PLXND1: variants seen among roughly 807,000 people sequenced by gnomAD.
PLXND1 encodes the protein plexin-D1.
PLXND1 carries 54 observed loss-of-function variants against 197.7 expected under a neutral mutation model. The observed-to-expected ratio is 0.27, with a 90% CI of 0.22 to 0.34. PLXND1 has a LOEUF of 0.34. Among genes scored for constraint, PLXND1 ranks in the 10% least tolerant of loss-of-function variants. The probability of loss-of-function intolerance (pLI) is 1.00; values close to 1 mark genes in which losing one functional copy is unlikely to be tolerated. For missense variants in PLXND1, 2,127 were observed against 2,699.2 expected, an observed-to-expected ratio of 0.79 and a Z score of 4.70; for synonymous variants, 1,180 against 1,161.2, an observed-to-expected ratio of 1.02 and a Z score of -0.33.
At chr3:129,599,176 A>G (rs1223528652) in intron 1 of PLXND1, among the ~76,000 whole-genome samples, 1 of 152,200 alleles carries the variant, frequency 6.6e-6, no homozygotes, top group Non-Finnish European at 1.5e-5. Flanking sequence ...CAACCAGGAC[A>G]TGGAACCCAG....
At chr3:129,573,867 C>G in intron 12 of PLXND1, 122 bp from the exon 13 acceptor site, 4 of 1,124,058 alleles carry the variant, frequency 3.6e-6, no homozygotes, top group Non-Finnish European at 5.0e-6. Context: ...AGAGGAAGGT[C>G]TGGAGGCTCA....
Position 129,557,103 on chromosome 3 carries a change from G to A in PLXND1, c.5566C>T (p.His1856Tyr), listed in dbSNP as rs1245924801. ...CGCACCCTCGACTCCTCGGCCAGAT[G>A]GGCATTCATCTCTTGCTCGCTGAGC... ...TPLSEQEMNAHLAEESRKYQN... is the reference protein window; with the variant it reads ...TPLSEQEMNAYLAEESRKYQN... Residue 1856 changes from histidine (H) to tyrosine (Y), a missense_variant, in exon 34 of 36, where the codon CAT becomes TAT. Physicochemically the swap from His to Tyr is moderately conservative, Grantham distance 83. Around this residue, in one of 6 missense-constraint regions of PLXND1, gnomAD observed 200 missense variants for 303.3 expected, o/e 0.66. Coordinates refer to ENST00000324093, the MANE Select transcript of PLXND1 (RefSeq NM_015103.3). The surrounding 1 kb of genome is among the most constrained non-coding windows in gnomAD (Gnocchi z 4.8). 6.2e-7 allele frequency: 1 copy of A among 1,614,010 alleles called. No individual in the cohort carries two copies. The highest frequency in any genetic ancestry group is 1.3e-5 in the African/African-American group (1 of 75,024).
Position 129,606,437 on chromosome 3 carries a change from G to A in PLXND1, c.203C>T (p.Ala68Val). The change falls in exon 1 of 36, where the codon GCG becomes GTG. Residue 68 changes from alanine to valine, a missense_variant. Physicochemically the swap from Ala to Val is moderately conservative, Grantham distance 64. Transcript: ENST00000324093. ...GACGGCCGCCAGGTACACGGTCCCC[G>A]CCGCGCCGTCCAGGGCGAAGTTGTT... ...PTNNFALDGA[A>V]GTVYLAAVNR... is the part of the protein sequence containing the mutation. 1.4e-6 allele frequency: 2 copies of A among 1,481,062 alleles called. No homozygotes were observed. The highest frequency in any genetic ancestry group is 8.9e-7 in the Non-Finnish European group (1 of 1,123,788). 91.7% of individuals were successfully genotyped at this position (1,481,062 alleles called of 1,614,324 possible).
At chr3:129,602,767 A>G (rs2626005) in intron 1 of PLXND1, among the ~76,000 whole-genome samples, 149,368 of 152,264 alleles carry the variant, frequency 0.98, 73,336 homozygotes, top group East Asian at 1. Flanking sequence ...AACAAGAAGA[A>G]CTGCCATCTG....
chr3:129,571,443 G>T, intron 17 of PLXND1, 66 bp downstream of exon 17: 1 of 1,540,832 alleles, frequency 6.5e-7, no homozygotes. Flanking sequence ...AGGAGGCCTG[G>T]TCAGTTAGGG....
At position 129,605,328 on chromosome 3, in the gene PLXND1, C is replaced by T. The variant is rs898462247; in HGVS notation, c.1311+1G>A. ...CCGCCGCCGCCACCGCCCGGGTGTA[C>T]CTGGATGTTGAGCTTGCGCTCACAG... On this transcript the variant is annotated splice_donor_variant, in intron 1 of 35. Transcript: ENST00000324093. LOFTEE classifies it high-confidence loss of function. The T allele has an allele frequency of 7.1e-7, 1 of 1,411,848 alleles. No individual in the cohort carries two copies. Among genetic ancestry groups the T allele is most frequent in the Non-Finnish European group, 9.2e-7 (1 of 1,085,436 alleles). The allele number at this position is 1,411,848 out of a possible 1,614,324, so 87.5% of individuals were successfully genotyped here.
chr3:129,578,676 A>G, intron 8 of PLXND1: 1 of 501,014 alleles, frequency 2.0e-6, no homozygotes, highest in Non-Finnish European at 3.5e-6. Flanking sequence ...AGATGGCATA[A>G]CCCGCCCAGT....
chr3:129,594,659 A>G (rs1035789932), intron 1 of PLXND1, among the ~76,000 whole-genome samples: 2 of 152,142 alleles, frequency 1.3e-5, no homozygotes, highest in Admixed American at 6.5e-5. Flanking sequence ...GGCTCCTGGA[A>G]AAGAAAGCAG....
chr3:129,574,879 G>A (rs540589475), intron 11 of PLXND1, among the ~76,000 whole-genome samples: 1 of 152,312 alleles, frequency 6.6e-6, no homozygotes, highest in East Asian at 1.9e-4. Context: ...CAACCCCGGC[G>A]GGGCCCTAGG....
Position 129,606,126 on chromosome 3 carries a change from G to T in PLXND1, c.514C>A (p.Pro172Thr). Residue 172 changes from proline to threonine, a missense_variant, in exon 1 of 36, where the codon CCC becomes ACC. Physicochemically the swap from Pro to Thr is conservative, Grantham distance 38. This residue lies in a region of PLXND1 where 245 missense variants were observed against 267.1 expected (regional missense o/e 0.92). Transcript: ENST00000324093. ...RFPPAAPPAE[P>T]VTVFPSMLNV... ...AGCATGCTGGGGAACACCGTGACGG[G>T]CTCGGCGGGCGGCGCGGCGGGCGGG... 1 of 1,511,322 alleles carries T rather than the reference G, an allele frequency of 6.6e-7. No individual in the cohort carries two copies. The highest frequency in any genetic ancestry group is 8.8e-7 in the Non-Finnish European group (1 of 1,137,232). The allele number at this position is 1,511,322 out of a possible 1,614,324, so 93.6% of individuals were successfully genotyped here. A position where few individuals can be genotyped will look rare whatever the true frequency, so the allele number is the denominator to read the frequency against.
At chr3:129,597,361 T>C (rs1180216573) in intron 1 of PLXND1, among the ~76,000 whole-genome samples, 1 of 152,190 alleles carries the variant, frequency 6.6e-6, no homozygotes, top group Non-Finnish European at 1.5e-5. Context: ...AGGTGATGGC[T>C]GCTTCTAGAG....
intron 1 of PLXND1, among the ~76,000 whole-genome samples, chr3:129,598,195 TG>T (rs1405609290): frequency 6.6e-6 from 1 of 152,180 alleles, no homozygotes; most frequent in South Asian, 2.1e-4. Flanking sequence ...TCTGAGCCTT[TG>T]CCCCTATCGT....
intron 2 of PLXND1, among the ~76,000 whole-genome samples, 161 bp downstream of exon 2, chr3:129,589,190 C>T (rs1028182510): frequency 8.5e-5 from 13 of 152,210 alleles, no homozygotes; most frequent in African/African-American, 2.9e-4. Flanking sequence ...CAAAAACAGA[C>T]TTGCAAAATA....
chr3:129,574,019 T>C (rs576369657), intron 12 of PLXND1, among the ~76,000 whole-genome samples: 3 of 152,260 alleles, frequency 2.0e-5, no homozygotes, highest in Admixed American at 2.0e-4. Context: ...CCAGGAGCAA[T>C]GTTTGGCCAT....
intron 1 of PLXND1, among the ~76,000 whole-genome samples, chr3:129,592,755 G>A (rs1010860549): frequency 5.9e-5 from 9 of 152,224 alleles, no homozygotes; most frequent in African/African-American, 2.2e-4. Flanking sequence ...GTAAGCCGTC[G>A]GCTGCTCCGA....
chr3:129,579,320 C>T lies in PLXND1; in HGVS notation c.2242-887G>A, dbSNP rs558538545. Reference sequence around the variant, plus strand: ...CTCTGGGGTCCTCCGAGCTGGGGCGCGTGTTAAGATGCAGAGGTCTAGCCC... The same window carrying T: ...CTCTGGGGTCCTCCGAGCTGGGGCGTGTGTTAAGATGCAGAGGTCTAGCCC... On this transcript the variant is annotated intron_variant, in intron 8 of 35. Coordinates refer to ENST00000324093, the MANE Select transcript of PLXND1 (RefSeq NM_015103.3). Among the ~76,000 whole-genome samples, 631 of 152,164 alleles carry T rather than the reference C, an allele frequency of 4.1e-3. 4 individuals carry two copies. The highest frequency in any genetic ancestry group is 7.2e-3 in the Non-Finnish European group (492 of 68,002).
chr3:129,566,079 G>A (rs2085136071), intron 23 of PLXND1, 62 bp from the exon 24 acceptor site: 2 of 1,590,442 alleles, frequency 1.3e-6, no homozygotes, highest in Non-Finnish European at 1.7e-6. Context: ...TAGCCTAACA[G>A]CCAGTGCTTA....
intron 2 of PLXND1, among the ~76,000 whole-genome samples, chr3:129,587,047 T>C (rs753513732): frequency 5.1e-4 from 77 of 152,204 alleles, no homozygotes; most frequent in Non-Finnish European, 8.7e-4. Context: ...GTTTGGATTC[T>C]GGCTTTGACA....
intron 11 of PLXND1, 144 bp downstream of exon 11, chr3:129,575,325 G>A (rs1281591537): frequency 3.2e-6 from 2 of 626,844 alleles, no homozygotes; most frequent in South Asian, 1.9e-5. Flanking sequence ...GCAGGGCTGG[G>A]ATATGAGGCT....
Sources: gnomAD v4.1 joint callset for allele counts (sites outside exome capture counted in the v4.1 genomes callset) on GRCh38, gnomAD v4.1.1 for gene constraint, gnomAD v4.1.1 regional missense constraint, Gnocchi (gnomAD v3.1) non-coding constraint, MANE v1.5 for transcripts, NCBI Gene and HGNC (gene_info 2026-07-23, HGNC 2026-07-21) for gene names.